Variants in CDH10 observed in about 807,000 individuals in gnomAD.
CDH10 encodes cadherin-10.
In CDH10, 30 loss-of-function variants were observed where a neutral mutation model predicts 73.1. The observed-to-expected ratio is 0.41, with a 90% CI of 0.31 to 0.56. The LOEUF is 0.56. Ranked by LOEUF, CDH10 falls within the 20% of genes least tolerant of loss-of-function variation. The probability of loss-of-function intolerance (pLI) is 0.27; values close to 1 mark genes in which losing one functional copy is unlikely to be tolerated. For synonymous variants in CDH10, 345 were observed against 348.2 expected, an observed-to-expected ratio of 0.99 and a Z score of 0.10; for missense variants, 815 against 973.7, an observed-to-expected ratio of 0.84 and a Z score of 2.17.
intron 2 of CDH10, among the ~76,000 whole-genome samples, chr5:24,566,481 A>C (rs1745169654): frequency 6.6e-6 from 1 of 152,214 alleles, no homozygotes. Flanking sequence ...AGTAATTAAG[A>C]TAATGTGTTA....
chr5:24,624,087 C>T (rs542899992), intron 1 of CDH10, among the ~76,000 whole-genome samples: 90 of 152,168 alleles, frequency 5.9e-4, no homozygotes, highest in African/African-American at 2.0e-3. Context: ...GAGCTCAGTA[C>T]GTACTCTGAG....
intron 2 of CDH10, among the ~76,000 whole-genome samples, chr5:24,542,217 A>G (rs1744178246): frequency 6.6e-6 from 1 of 152,150 alleles, no homozygotes; most frequent in Non-Finnish European, 1.5e-5. Context: ...AGAATATCCA[A>G]TCAATTGTTT....
chr5:24,545,246 T>C (rs1248276202), intron 2 of CDH10, among the ~76,000 whole-genome samples: 1 of 152,176 alleles, frequency 6.6e-6, no homozygotes, highest in East Asian at 1.9e-4. Context: ...CCTTATTTTT[T>C]CCCCACAACT....
Position 24,559,887 on chromosome 5 carries a change from T to A in CDH10, c.232-22213A>T, listed in dbSNP as rs531021655. ...TTTATTTTATGAGCCAGATTTGGGT[T>A]GCTATATGGCTTTTGGCCAGAAGAC... On this transcript the variant is annotated intron_variant, in intron 2 of 11. Coordinates refer to ENST00000264463, the MANE Select transcript of CDH10 (RefSeq NM_006727.5). Among the ~76,000 whole-genome samples the A allele has an allele frequency of 1.3e-4, 20 of 152,280 alleles. 1 individual carries two copies. In the South Asian group the frequency reaches 4.1e-3, roughly 32 times the overall value.
At chr5:24,525,734 T>G (rs1743505630) in intron 5 of CDH10, among the ~76,000 whole-genome samples, 1 of 152,016 alleles carries the variant, frequency 6.6e-6, no homozygotes, top group African/African-American at 2.4e-5. Context: ...GCACTGGAGA[T>G]ACGATCATCA....
chr5:24,495,613 T>C (rs144221562), intron 9 of CDH10, among the ~76,000 whole-genome samples: 777 of 151,860 alleles, frequency 5.1e-3, no homozygotes, highest in Non-Finnish European at 9.1e-3. Context: ...TTTTGGGAGG[T>C]CAAGGTGGGC....
chr5:24,644,309 C>G (rs1046806373), intron 1 of CDH10, among the ~76,000 whole-genome samples: 1 of 152,050 alleles, frequency 6.6e-6, no homozygotes, highest in Non-Finnish European at 1.5e-5. Context: ...GCATTTGTTC[C>G]AAGTGAATGA....
intron 1 of CDH10, among the ~76,000 whole-genome samples, chr5:24,630,247 T>C (rs1747657516): frequency 6.6e-6 from 1 of 152,022 alleles, no homozygotes; most frequent in African/African-American, 2.4e-5. Context: ...GCTGGAGAAC[T>C]CAGGGAATAT....
chr5:24,488,907 G>C (rs77499223), intron 11 of CDH10, among the ~76,000 whole-genome samples: 3,013 of 150,712 alleles, frequency 0.02, 36 homozygotes, highest in Non-Finnish European at 0.028. Context: ...ATTCATAATA[G>C]AAAAGTGCAC....
In CDH10 at chr5:24,537,493, C is replaced by G. The variant is rs2111894393; in HGVS notation, c.413G>C (p.Arg138Thr). 6.2e-7 allele frequency: 1 copy of G among 1,613,018 alleles called. No homozygotes were observed. Among genetic ancestry groups the G allele is most frequent in the African/African-American group, 1.3e-5 (1 of 74,958 alleles). Residue 138 changes from arginine (R) to threonine (T), a missense_variant, in exon 3 of 12, where the codon AGG (arginine) becomes ACG (threonine). Physicochemically the swap from Arg to Thr is moderately conservative, Grantham distance 71. This residue lies in a region of CDH10 where 516 missense variants were observed against 636.6 expected (regional missense o/e 0.81). Coordinates refer to ENST00000264463, the MANE Select transcript of CDH10 (RefSeq NM_006727.5). Reference sequence around the variant, plus strand: ...AAACTCTGACTCTGGCTCTACTGGCCTCAGAGTTCTTCTGTTAATAGCTTG... The same window carrying G: ...AAACTCTGACTCTGGCTCTACTGGCGTCAGAGTTCTTCTGTTAATAGCTTG... ...RAQAINRRTL[R>T]PVEPESEFVI...
In CDH10 at chr5:24,535,691, A is replaced by C. The variant is rs1298825601; in HGVS notation, c.646+12T>G. On this transcript the variant is annotated intron_variant, in intron 4 of 11. Coordinates refer to ENST00000264463, the MANE Select transcript of CDH10 (RefSeq NM_006727.5). ...TGATCAAATGAACAAACAGCAATTC[A>C]TGATTCCTGACCTGTTTCAGGCTCC... 1 of 1,602,028 alleles carries C rather than the reference A, an allele frequency of 6.2e-7. No individual in the cohort carries two copies. Among genetic ancestry groups the C allele is most frequent in the African/African-American group, 1.3e-5 (1 of 74,100 alleles).
At chr5:24,627,083 C>T (rs1747534292) in intron 1 of CDH10, among the ~76,000 whole-genome samples, 1 of 151,908 alleles carries the variant, frequency 6.6e-6, no homozygotes, top group South Asian at 2.1e-4. Context: ...ATATTCTATG[C>T]ACATTAAGTA....
intron 1 of CDH10, chr5:24,613,350 A>G (rs2112149501): frequency 6.6e-6 from 1 of 152,246 alleles, no homozygotes; most frequent in South Asian, 2.1e-4. Flanking sequence ...ACGTGGTTAC[A>G]TAAGACTCAT....
At chr5:24,554,803 G>A (rs184608597) in intron 2 of CDH10, among the ~76,000 whole-genome samples, 4,418 of 151,986 alleles carry the variant, frequency 0.029, 97 homozygotes, top group Non-Finnish European at 0.043. Flanking sequence ...TTCCTTTTAT[G>A]TGGTAATATA....
At chr5:24,498,655 A>C in intron 8 of CDH10, 136 bp from the exon 9 acceptor site, 2 of 611,832 alleles carry the variant, frequency 3.3e-6, no homozygotes, top group Non-Finnish European at 5.9e-6. Context: ...TAATGAGCAA[A>C]TGCAATAAAG....
intron 7 of CDH10, among the ~76,000 whole-genome samples, chr5:24,506,405 T>C (rs930551411): frequency 1.3e-5 from 2 of 152,182 alleles, no homozygotes; most frequent in Non-Finnish European, 2.9e-5. Flanking sequence ...CTTGGAATAA[T>C]TATTTTATTA....
chr5:24,610,020 C>T (rs1245174898), intron 1 of CDH10: 1 of 152,230 alleles, frequency 6.6e-6, no homozygotes, highest in Non-Finnish European at 1.5e-5. Context: ...GTAAAAGTCA[C>T]TCCCTCGCAT....
chr5:24,586,593 C>T (rs1746007947), intron 2 of CDH10, among the ~76,000 whole-genome samples: 1 of 151,324 alleles, frequency 6.6e-6, no homozygotes, highest in Admixed American at 6.6e-5. Context: ...CAGGCATACA[C>T]TACCATGCCC....
At chr5:24,515,794 T>A (rs62349564) in intron 5 of CDH10, among the ~76,000 whole-genome samples, 72,680 of 151,982 alleles carry the variant, frequency 0.48, 17,500 homozygotes, top group East Asian at 0.58. Context: ...CCACGTGTCA[T>A]GGGAGGGACC....
Sources: allele counts gnomAD v4.1 joint callset (sites outside exome capture counted in the v4.1 genomes callset), GRCh38; gene constraint gnomAD v4.1.1; regional missense constraint gnomAD v4.1.1; transcripts MANE v1.5; gene names NCBI Gene and HGNC (gene_info 2026-07-23, HGNC 2026-07-21).